JMJD1C: variants seen among roughly 807,000 people sequenced by gnomAD.
JMJD1C encodes the protein jumonji domain-containing protein 1C.
In JMJD1C, 31 loss-of-function variants were observed where a neutral mutation model predicts 245.3. The ratio of observed to expected loss-of-function variants is 0.13; its 90% CI spans 0.09 to 0.17. The LOEUF is 0.17. Ranked by LOEUF, JMJD1C falls within the 10% of genes least tolerant of loss-of-function variation. JMJD1C has a pLI of 1.00. For synonymous variants in JMJD1C, 1,057 were observed against 1,017.4 expected (o/e 1.04, Z -0.74); for missense variants, 2,691 against 3,000.2 (o/e 0.90, Z 2.41).
intron 1 of JMJD1C, among the ~76,000 whole-genome samples, chr10:63,515,252 T>C (rs1954983050): frequency 6.6e-6 from 1 of 152,186 alleles, no homozygotes. Context: ...ATTTTTCCCA[T>C]TCCCCAGTTA....
chr10:63,511,598 G>C (rs1334504791), intron 1 of JMJD1C, among the ~76,000 whole-genome samples: 2 of 151,974 alleles, frequency 1.3e-5, no homozygotes, highest in African/African-American at 4.8e-5. Context: ...TAATCCCAGT[G>C]ACTCCGGAGG....
intron 1 of JMJD1C, among the ~76,000 whole-genome samples, chr10:63,500,830 T>C (rs1954534287): frequency 6.6e-6 from 1 of 152,060 alleles, no homozygotes; most frequent in Admixed American, 6.6e-5. Context: ...GATGCATGGA[T>C]GCACAGATGG....
chr10:63,442,069 A>G (rs770327018), intron 1 of JMJD1C, among the ~76,000 whole-genome samples: 4 of 152,338 alleles, frequency 2.6e-5, no homozygotes, highest in Non-Finnish European at 5.9e-5. Context: ...GTAACTGGTG[A>G]GATCTTCAGC....
At chr10:63,453,729 A>C (rs1315959575) in intron 1 of JMJD1C, among the ~76,000 whole-genome samples, 1 of 152,150 alleles carries the variant, frequency 6.6e-6, no homozygotes, top group Non-Finnish European at 1.5e-5. Context: ...AAAAAGCAAT[A>C]GTTTTTTTTT....
intron 2 of JMJD1C, among the ~76,000 whole-genome samples, chr10:63,374,769 T>C (rs1311817266): frequency 6.6e-6 from 1 of 152,166 alleles, no homozygotes; most frequent in East Asian, 1.9e-4. Flanking sequence ...TTACTACTCA[T>C]GAAGAGAAAT....
intron 1 of JMJD1C, among the ~76,000 whole-genome samples, chr10:63,503,292 C>T (rs1417589625): frequency 2.6e-5 from 4 of 152,082 alleles, no homozygotes; most frequent in African/African-American, 7.2e-5. Flanking sequence ...TTTAGTTCAA[C>T]TTAGGTCAAT....
intron 3 of JMJD1C, among the ~76,000 whole-genome samples, chr10:63,240,246 C>A (rs1225998190): frequency 5.3e-5 from 8 of 151,454 alleles, no homozygotes; most frequent in Admixed American, 6.6e-5. Flanking sequence ...ATGGAAAAAA[C>A]CAAAAAGGAA....
chr10:63,207,924 T>C lies in JMJD1C; in HGVS notation c.3745A>G (p.Lys1249Glu). ...NAGGKVQESQ[K>E]PPTLIPEPKD... is the part of the protein sequence containing the mutation. ...GGTTCGGGTATTAGAGTTGGAGGCT[T>C]CTGTGATTCTTGAACTTTACCACCA... The change falls in exon 10 of 26, where the codon AAG becomes GAG. Residue 1249 changes from lysine (K) to glutamate (E), a missense_variant. Around this residue, in one of 9 missense-constraint regions of JMJD1C, gnomAD observed 1,562 missense variants for 1,490.7 expected, o/e 1.05. Transcript: ENST00000399262. The C allele has an allele frequency of 6.2e-7, 1 of 1,614,158 alleles. No individual in the cohort carries two copies. The highest frequency in any genetic ancestry group is 2.2e-5 in the East Asian group (1 of 44,880).
intron 2 of JMJD1C, among the ~76,000 whole-genome samples, chr10:63,308,447 C>T (rs1938604037): frequency 6.6e-6 from 1 of 151,840 alleles, no homozygotes; most frequent in African/African-American, 2.4e-5. Context: ...TGTGGAAAGC[C>T]TCTAAATTTA....
intron 13 of JMJD1C, among the ~76,000 whole-genome samples, chr10:63,194,926 A>AT (rs1845268227): frequency 6.6e-6 from 1 of 152,250 alleles, no homozygotes; most frequent in South Asian, 2.1e-4. Context: ...AGCATAGGGC[A>AT]TAACATAAAG....
At chr10:63,320,651 G>T (rs1036716943) in intron 2 of JMJD1C, among the ~76,000 whole-genome samples, 1 of 152,172 alleles carries the variant, frequency 6.6e-6, no homozygotes, top group Non-Finnish European at 1.5e-5. Context: ...CGACTATTGT[G>T]ATAACATGAA....
At chr10:63,508,731 G>T (rs1954792811) in intron 1 of JMJD1C, among the ~76,000 whole-genome samples, 1 of 152,032 alleles carries the variant, frequency 6.6e-6, no homozygotes, top group Admixed American at 6.5e-5. Context: ...TCATTCTGGG[G>T]GTTGCTAATG....
chr10:63,168,375 G>T, intron 25 of JMJD1C, 60 bp downstream of exon 25: 1 of 1,515,888 alleles, frequency 6.6e-7, no homozygotes, highest in Non-Finnish European at 8.9e-7. Context: ...TGTTATACAT[G>T]TATCATATTT....
intron 2 of JMJD1C, among the ~76,000 whole-genome samples, chr10:63,320,768 T>G (rs551511119): frequency 2.2e-4 from 33 of 152,348 alleles, no homozygotes; most frequent in South Asian, 1.0e-3. Context: ...CTTTGACTCC[T>G]GGTTCCTGAC....
chr10:63,218,984 G>T (rs181694337), intron 4 of JMJD1C, among the ~76,000 whole-genome samples: 1 of 152,136 alleles, frequency 6.6e-6, no homozygotes, highest in Non-Finnish European at 1.5e-5. Flanking sequence ...ATAGAATAGG[G>T]TGATGTCTGA....
chr10:63,191,222 C>T, intron 16 of JMJD1C, 114 bp from the exon 17 acceptor site: 25 of 734,564 alleles, frequency 3.4e-5, no homozygotes, highest in Non-Finnish European at 5.5e-5. Flanking sequence ...ACCTCTGCCT[C>T]CCAGGTTCAA....
chr10:63,182,392 A>G (rs1843596883), intron 22 of JMJD1C, among the ~76,000 whole-genome samples: 2 of 152,232 alleles, frequency 1.3e-5, no homozygotes, highest in African/African-American at 4.8e-5. Flanking sequence ...AATTATCCAA[A>G]TACGTGTGAG....
At chr10:63,463,973 T>C (rs532551996) in intron 1 of JMJD1C, among the ~76,000 whole-genome samples, 1 of 152,270 alleles carries the variant, frequency 6.6e-6, no homozygotes, top group African/African-American at 2.4e-5. Flanking sequence ...AAGTTATTTA[T>C]ATATACAAAT....
At chr10:63,445,862 ATTTTTTTTT>A (rs56316223) in intron 1 of JMJD1C, among the ~76,000 whole-genome samples, 1 of 75,714 alleles carries the variant, frequency 1.3e-5, no homozygotes, top group Non-Finnish European at 2.2e-5. Context: ...TGGGATCTGA[ATTTTTTTTT>A]TTTTTTTTTT....
Sources: gnomAD v4.1 joint callset for allele counts (sites outside exome capture counted in the v4.1 genomes callset) on GRCh38, gnomAD v4.1.1 for gene constraint, gnomAD v4.1.1 regional missense constraint, MANE v1.5 for transcripts, NCBI Gene and HGNC (gene_info 2026-07-23, HGNC 2026-07-21) for gene names.